ST3GAL5: variants seen among roughly 807,000 people sequenced by gnomAD.
ST3GAL5 encodes lactosylceramide alpha-2,3-sialyltransferase.
In ST3GAL5, 25 loss-of-function variants were observed where a neutral mutation model predicts 46.1. That is an observed-to-expected ratio of 0.54 (90% CI 0.40 to 0.76). The LOEUF (loss-of-function observed/expected upper bound fraction) is 0.76, where lower values mean the gene tolerates loss of function less well. Among genes scored for constraint, ST3GAL5 ranks in the 30% least tolerant of loss-of-function variants. The probability of loss-of-function intolerance (pLI) is 0.00; values close to 1 mark genes in which losing one functional copy is unlikely to be tolerated. For synonymous variants in ST3GAL5, 182 were observed against 192.7 expected, an observed-to-expected ratio of 0.94 and a Z score of 0.46; for missense variants, 431 against 521.2, an observed-to-expected ratio of 0.83 and a Z score of 1.69.
chr2:85,862,629 C>G (rs924059247), intron 2 of ST3GAL5, among the ~76,000 whole-genome samples: 2 of 152,210 alleles, frequency 1.3e-5, no homozygotes, highest in Non-Finnish European at 2.9e-5. Flanking sequence ...AGGTCTATCT[C>G]CCCTGCTGCC....
At chr2:85,849,043 T>C (rs1027846936) in intron 3 of ST3GAL5, 1 of 152,458 alleles carries the variant, frequency 6.6e-6, no homozygotes, top group African/African-American at 2.4e-5. Context: ...CATATGCATT[T>C]TAATGTTTTG....
intron 4 of ST3GAL5, chr2:85,847,569 G>A (rs1682949055): frequency 8.5e-7 from 1 of 1,182,264 alleles, no homozygotes; most frequent in Non-Finnish European, 1.1e-6. Context: ...AGTTCTAGAG[G>A]AGAAAGGTTG....
chr2:85,847,449 G>A, intron 4 of ST3GAL5: 7 of 1,011,708 alleles, frequency 6.9e-6, no homozygotes, highest in Non-Finnish European at 8.3e-6. Flanking sequence ...ACCATTTTGT[G>A]TTTTTGTTTC....
intron 1 of ST3GAL5, among the ~76,000 whole-genome samples, chr2:85,872,107 G>A (rs1685992721): frequency 6.6e-6 from 1 of 152,124 alleles, no homozygotes; most frequent in Admixed American, 6.5e-5. Flanking sequence ...GGGAGCCCGA[G>A]GCCTACCCTG....
At chr2:85,840,954 A>AAAAAAAAC (rs1681982183) in intron 6 of ST3GAL5, among the ~76,000 whole-genome samples, 1 of 150,146 alleles carries the variant, frequency 6.7e-6, no homozygotes, top group Admixed American at 6.6e-5. Context: ...AAAAAAAAAA[A>AAAAAAAAC]AAAAAAAAAA....
chr2:85,865,339 C>A (rs994382006), intron 1 of ST3GAL5, among the ~76,000 whole-genome samples: 7 of 152,024 alleles, frequency 4.6e-5, no homozygotes, highest in Non-Finnish European at 1.0e-4. Flanking sequence ...ATCTGTTTAT[C>A]TTAAACTAAA....
intron 1 of ST3GAL5, among the ~76,000 whole-genome samples, chr2:85,882,477 T>C (rs1205732372): frequency 2.0e-5 from 3 of 152,084 alleles, no homozygotes; most frequent in Non-Finnish European, 4.4e-5. Flanking sequence ...CCATGGAAAC[T>C]TACCTCTTGT....
chr2:85,872,959 C>T (rs186457300), intron 1 of ST3GAL5, among the ~76,000 whole-genome samples: 1 of 152,240 alleles, frequency 6.6e-6, no homozygotes, highest in African/African-American at 2.4e-5. Context: ...GCAACAGCTA[C>T]AACTACAGCA....
chr2:85,859,372 G>A (rs1684485970), intron 3 of ST3GAL5, among the ~76,000 whole-genome samples: 1 of 152,194 alleles, frequency 6.6e-6, no homozygotes, highest in South Asian at 2.1e-4. Context: ...ACAGAGACAG[G>A]ATGTCTAAAA....
intron 1 of ST3GAL5, chr2:85,888,620 C>G (rs1573746439): frequency 3.3e-6 from 1 of 307,310 alleles, no homozygotes; most frequent in Non-Finnish European, 5.7e-6. Flanking sequence ...GCGTGGGACC[C>G]CCCGCCCGGT....
At chr2:85,862,368 G>A (rs532928026) in intron 2 of ST3GAL5, among the ~76,000 whole-genome samples, 5 of 152,254 alleles carry the variant, frequency 3.3e-5, no homozygotes, top group African/African-American at 4.8e-5. Context: ...GAGCAGGGAT[G>A]AGAAGGTGTT....
At chr2:85,875,362 A>AATTTTT (rs71377047) in intron 1 of ST3GAL5, 1 of 132,524 alleles carries the variant, frequency 7.5e-6, no homozygotes, top group Non-Finnish European at 1.6e-5. Flanking sequence ...CACTTGCCTG[A>AATTTTT]TTTTTTTTTT....
chr2:85,888,841 GC>G lies in ST3GAL5; in HGVS notation c.64del (p.Ala22ArgfsTer15). 2.3e-6 allele frequency: 3 copies of G among 1,296,048 alleles called. No individual in the cohort carries two copies. Among genetic ancestry groups the G allele is most frequent in the Non-Finnish European group, 2.9e-6 (3 of 1,019,346 alleles). 80.3% of individuals were successfully genotyped at this position (1,296,048 alleles called of 1,614,324 possible). A position where few individuals can be genotyped will look rare whatever the true frequency, so the allele number is the denominator to read the frequency against. Reference sequence around the variant, plus strand: ...CCACGTACCTCGGCCGGCAGGTGCCGCCGCTGCCTCGGTCCGCGGCTGCAGG... The same window carrying G: ...CCACGTACCTCGGCCGGCAGGTGCCGCGCTGCCTCGGTCCGCGGCTGCAGG... Reference protein sequence around the residue: ...RPLQPRTEAAAAPAGRAMPSE... With the variant: ...RPLQPRTEAAXAPAGRAMPSE... On this transcript the variant is annotated frameshift_variant, in exon 1 of 7. Transcript: ENST00000638572. LOFTEE classifies it high-confidence loss of function.
chr2:85,862,265 C>G (rs3770094), intron 2 of ST3GAL5, among the ~76,000 whole-genome samples: 46,038 of 151,428 alleles, frequency 0.3, 7,380 homozygotes, highest in East Asian at 0.55. Flanking sequence ...GGTTTGGGCA[C>G]GGGGCATGGC....
intron 1 of ST3GAL5, among the ~76,000 whole-genome samples, chr2:85,864,316 T>A (rs12618873): frequency 0.18 from 27,216 of 152,008 alleles, 2,902 homozygotes; most frequent in South Asian, 0.34. Context: ...TTATTTTTTT[T>A]AAAAAGGACC....
At chr2:85,857,253 G>C (rs1421156549) in intron 3 of ST3GAL5, among the ~76,000 whole-genome samples, 1 of 151,282 alleles carries the variant, frequency 6.6e-6, no homozygotes, top group Non-Finnish European at 1.5e-5. Context: ...GAAAAGAAAA[G>C]AAGCTGGGCT....
intron 1 of ST3GAL5, among the ~76,000 whole-genome samples, chr2:85,879,928 A>C (rs1202032968): frequency 6.6e-6 from 1 of 152,222 alleles, no homozygotes; most frequent in African/African-American, 2.4e-5. Flanking sequence ...ATAAGGTGAA[A>C]GTTCTTAAGG....
Position 85,837,525 on chromosome 2 carries a change from A to C in ST3GAL5, c.*2619T>G, listed in dbSNP as rs984350700. On this transcript the variant is annotated 3_prime_UTR_variant, in exon 7 of 7. Coordinates refer to ENST00000638572, the MANE Select transcript of ST3GAL5 (RefSeq NM_003896.4). ...GACCTAGTGTTTGATAGGTCAGTAG[A>C]ATGCCTATAGTTTACAATAATTTAC... 2 of 152,234 alleles carry C rather than the reference A, an allele frequency of 1.3e-5. No homozygotes were observed. The highest frequency in any genetic ancestry group is 2.9e-5 in the Non-Finnish European group (2 of 68,036). The allele number at this position is 152,234 out of a possible 1,614,324, so 9.4% of individuals were successfully genotyped here.
upstream of ST3GAL5, chr2:85,889,018 C>A: frequency 3.8e-6 from 3 of 787,768 alleles, no homozygotes; most frequent in Non-Finnish European, 5.0e-6. Flanking sequence ...CGCTCAGATG[C>A]GGAGGAGGGG....
Sources: gnomAD v4.1 joint callset for allele counts (sites outside exome capture counted in the v4.1 genomes callset) on GRCh38, gnomAD v4.1.1 for gene constraint, MANE v1.5 for transcripts, NCBI Gene and HGNC (gene_info 2026-07-23, HGNC 2026-07-21) for gene names.